SKOR2: variants seen among roughly 807,000 people sequenced by gnomAD.
SKOR2 encodes the protein SKI family transcriptional corepressor 2.
Under a neutral mutation model 69.1 loss-of-function variants are expected in SKOR2, and 47 were observed. That is an observed-to-expected ratio of 0.68 (90% CI 0.54 to 0.87). The LOEUF is 0.87. Among genes scored for constraint, SKOR2 ranks in the 40% least tolerant of loss-of-function variants. The probability of loss-of-function intolerance (pLI) is 0.00; values close to 1 mark genes in which losing one functional copy is unlikely to be tolerated. For synonymous variants in SKOR2, 717 were observed against 672.6 expected, an observed-to-expected ratio of 1.07 and a Z score of -1.02; for missense variants, 1,404 against 1,472.2, an observed-to-expected ratio of 0.95 and a Z score of 0.76.
chr18:47,244,869 C>T, intron 4 of SKOR2, 39 bp downstream of exon 4: 1 of 1,507,372 alleles, frequency 6.6e-7, no homozygotes, highest in Non-Finnish European at 8.9e-7. Context: ...CTCTCCCTGT[C>T]ATCTGACTAT....
In SKOR2 at chr18:47,238,447, C is replaced by T. The variant is rs193290250; in HGVS notation, c.2752+6461G>A. ...AAGCGATTCTCCTGCCTCAGCCTCC[C>T]GAGTAGCTGGGATTACAGGTGGCTG... On this transcript the variant is annotated intron_variant, in intron 4 of 8. Coordinates refer to ENST00000425639, the MANE Select transcript of SKOR2 (RefSeq NM_001278063.4). Among the ~76,000 whole-genome samples, 306 of 151,248 alleles carry T rather than the reference C, an allele frequency of 2.0e-3. 1 individual carries two copies. Among genetic ancestry groups the T allele is most frequent in the African/African-American group, 7.1e-3 (294 of 41,234 alleles).
chr18:47,217,408 C>T (rs893265414), intron 7 of SKOR2, among the ~76,000 whole-genome samples: 5 of 152,184 alleles, frequency 3.3e-5, no homozygotes, highest in African/African-American at 1.2e-4. Context: ...TCCCAAGTTA[C>T]AGATGTTAAA....
chr18:47,235,769 A>G (rs2064219693), intron 4 of SKOR2, among the ~76,000 whole-genome samples: 1 of 146,166 alleles, frequency 6.8e-6, no homozygotes, highest in Non-Finnish European at 1.5e-5. Context: ...TATATGAACA[A>G]CACAAACAAG....
In SKOR2 at chr18:47,246,835, C is replaced by A. The variant is rs1418640257; in HGVS notation, c.2349G>T (p.Gly783=). The change falls in exon 2 of 9, where the codon GGG becomes GGT. Residue 783 remains glycine, a synonymous_variant. Transcript: ENST00000425639. ...TEVLLGDPLV[G]GGRFLQGRGP... is the part of the protein sequence containing the mutation. ...CTCGGCCCTGGAGGAACCGGCCGCC[C>A]CCGACTAAGGGGTCGCCGAGTAGGA... is the stretch of plus-strand genomic sequence containing the variant. 4.9e-5 allele frequency: 72 copies of A among 1,469,318 alleles called. No homozygotes were observed. Among genetic ancestry groups the A allele is most frequent in the Non-Finnish European group, 6.2e-5 (69 of 1,116,708 alleles). The allele number at this position is 1,469,318 out of a possible 1,614,324, so 91.0% of individuals were successfully genotyped here.
At chr18:47,216,506 C>A (rs748085473) in intron 7 of SKOR2, among the ~76,000 whole-genome samples, 1 of 152,110 alleles carries the variant, frequency 6.6e-6, no homozygotes, top group Non-Finnish European at 1.5e-5. Flanking sequence ...GAGAGTCAAT[C>A]ATTTGACTCT....
At chr18:47,217,911 T>C (rs1193145853) in intron 7 of SKOR2, among the ~76,000 whole-genome samples, 1 of 152,226 alleles carries the variant, frequency 6.6e-6, no homozygotes, top group Non-Finnish European at 1.5e-5. Flanking sequence ...AATAGTTTAC[T>C]ATCTATAGGA....
intron 1 of SKOR2, among the ~76,000 whole-genome samples, chr18:47,250,037 A>G (rs1179344570): frequency 6.6e-6 from 1 of 152,238 alleles, no homozygotes; most frequent in Non-Finnish European, 1.5e-5. Flanking sequence ...CCATGACGAT[A>G]AGAAAGTAAG....
chr18:47,246,963 C>T lies in SKOR2; in HGVS notation c.2221G>A (p.Glu741Lys), dbSNP rs2064278216. The change falls in exon 2 of 9, where the codon GAG becomes AAG. Residue 741 changes from glutamate to lysine, a missense_variant. Transcript: ENST00000425639. ...SSEDEDDEEE[E>K]QEVDVEGHKP... ...TGGCCCTCCACGTCCACCTCCTGCT[C>T]TTCTTCCTCGTCGTCCTCGTCCTCG... is the stretch of plus-strand genomic sequence containing the variant. 6.7e-7 allele frequency: 1 copy of T among 1,499,078 alleles called. No individual in the cohort carries two copies. The highest frequency in any genetic ancestry group is 8.8e-7 in the Non-Finnish European group (1 of 1,130,596). 92.9% of individuals were successfully genotyped at this position (1,499,078 alleles called of 1,614,324 possible).
chr18:47,221,140 T>C (rs1055739655), intron 6 of SKOR2, among the ~76,000 whole-genome samples: 22 of 152,238 alleles, frequency 1.4e-4, no homozygotes, highest in African/African-American at 5.1e-4. Context: ...TACTTAGAGA[T>C]GAAAAGGCTT....
At chr18:47,227,609 G>A (rs1488961125) in intron 6 of SKOR2, among the ~76,000 whole-genome samples, 2 of 152,144 alleles carry the variant, frequency 1.3e-5, no homozygotes, top group Admixed American at 1.3e-4. Context: ...AGGATTACAG[G>A]CGTAAGCCAC....
At chr18:47,221,402 A>G (rs1286145933) in intron 6 of SKOR2, among the ~76,000 whole-genome samples, 2 of 152,314 alleles carry the variant, frequency 1.3e-5, no homozygotes, top group Middle Eastern at 3.4e-3. Context: ...ACAGCATTCT[A>G]CATAAAGACA....
At chr18:47,234,456 C>T (rs2064212764) in intron 4 of SKOR2, 2 of 152,150 alleles carry the variant, frequency 1.3e-5, no homozygotes, top group Admixed American at 1.3e-4. Flanking sequence ...ATATGGACTG[C>T]TTCAGAAATT....
intron 8 of SKOR2, among the ~76,000 whole-genome samples, chr18:47,210,221 G>A (rs186159315): frequency 3.5e-3 from 529 of 152,292 alleles, no homozygotes; most frequent in African/African-American, 0.012. Context: ...GTTGGGGGTA[G>A]GGAGTGGGAG....
At chr18:47,216,518 T>C (rs2064144412) in intron 7 of SKOR2, among the ~76,000 whole-genome samples, 1 of 152,200 alleles carries the variant, frequency 6.6e-6, no homozygotes, top group East Asian at 1.9e-4. Flanking sequence ...TTTGACTCTG[T>C]AGTCATCACA....
intron 7 of SKOR2, 127 bp downstream of exon 7, chr18:47,219,816 T>A: frequency 1.3e-6 from 1 of 761,400 alleles, no homozygotes; most frequent in Admixed American, 2.4e-5. Flanking sequence ...AATTAGCATC[T>A]AAGCCAGCTG....
Position 47,248,148 on chromosome 18 carries a change from C to G in SKOR2, c.1036G>C (p.Gly346Arg). ...CCCCCAGCGCCGCCCCCACCAGTCCCCGCGCCGCCCGAAGCAGCAGCCACA... is the reference window on the plus strand; with the variant it reads ...CCCCCAGCGCCGCCCCCACCAGTCCGCGCGCCGCCCGAAGCAGCAGCCACA... ...LSVAAASGGA[G>R]TGGGGAGGGC... is the part of the protein sequence containing the mutation. The change falls in exon 2 of 9, where the codon GGG becomes CGG. Residue 346 changes from glycine to arginine, a missense_variant. Around this residue, in one of 3 missense-constraint regions of SKOR2, gnomAD observed 1,266 missense variants for 1,309.9 expected, o/e 0.97. Coordinates refer to ENST00000425639, the MANE Select transcript of SKOR2 (RefSeq NM_001278063.4). The surrounding 1 kb of genome is among the most constrained non-coding windows in gnomAD (Gnocchi z 6.4). 7.9e-7 allele frequency: 1 copy of G among 1,260,464 alleles called. No homozygotes were observed. Among genetic ancestry groups the G allele is most frequent in the Non-Finnish European group, 9.9e-7 (1 of 1,010,044 alleles). The allele number at this position is 1,260,464 out of a possible 1,614,324, so 78.1% of individuals were successfully genotyped here.
chr18:47,208,668 G>A (rs2064119557), intron 8 of SKOR2, among the ~76,000 whole-genome samples: 1 of 152,186 alleles, frequency 6.6e-6, no homozygotes, highest in Non-Finnish European at 1.5e-5. Flanking sequence ...TGTGCAGGAA[G>A]TGCGTCACAG....
Position 47,248,578 on chromosome 18 carries a change from G to C in SKOR2, c.606C>G (p.Asp202Glu), listed in dbSNP as rs2064295907. The C allele has an allele frequency of 6.5e-7, 1 of 1,539,082 alleles. No individual in the cohort carries two copies. The highest frequency in any genetic ancestry group is 2.0e-5 in the Admixed American group (1 of 51,154). The change falls in exon 2 of 9, where the codon GAC (aspartate) becomes GAG (glutamate). Residue 202 changes from aspartate (D) to glutamate (E), a missense_variant. Physicochemically the swap from Asp to Glu is conservative, Grantham distance 45. Coordinates refer to ENST00000425639, the MANE Select transcript of SKOR2 (RefSeq NM_001278063.4). This position sits in a 1 kb window ranked among gnomAD's most constrained non-coding sequence, Gnocchi z 6.4. Reference sequence around the variant, plus strand: ...GGCGCCACGAGTTGAAGTTGGCTGCGTCTGGCTGAGTGTACTTGGCGTCGG... The same window carrying C: ...GGCGCCACGAGTTGAAGTTGGCTGCCTCTGGCTGAGTGTACTTGGCGTCGG... ...RTPDAKYTQP[D>E]AANFNSWRRH... is the part of the protein sequence containing the mutation.
chr18:47,243,172 G>A (rs906985408), intron 4 of SKOR2, among the ~76,000 whole-genome samples: 7 of 152,160 alleles, frequency 4.6e-5, no homozygotes, highest in East Asian at 1.9e-4. Flanking sequence ...CTCATTGGTC[G>A]TACAAGACAG....
Sources: gnomAD v4.1 joint callset for allele counts (sites outside exome capture counted in the v4.1 genomes callset) on GRCh38, gnomAD v4.1.1 for gene constraint, gnomAD v4.1.1 regional missense constraint, Gnocchi (gnomAD v3.1) non-coding constraint, MANE v1.5 for transcripts, NCBI Gene and HGNC (gene_info 2026-07-23, HGNC 2026-07-21) for gene names.